Variants in GRID2 observed in about 807,000 individuals in gnomAD.
The protein encoded by GRID2 is glutamate receptor ionotropic, delta-2.
Under a neutral mutation model 114.8 loss-of-function variants are expected in GRID2, and 33 were observed. The observed-to-expected ratio is 0.29, with a 90% confidence interval of 0.22 to 0.38. The LOEUF (loss-of-function observed/expected upper bound fraction) is 0.38. GRID2 is among the 10% of genes least tolerant of loss of function. GRID2 has a pLI of 1.00. For missense variants in GRID2, 1,184 were observed against 1,257.7 expected (o/e 0.94, Z 0.89); for synonymous variants, 505 against 449.9 (o/e 1.12, Z -1.55).
At chr4:93,288,957 T>C (rs1204987550) in intron 8 of GRID2, among the ~76,000 whole-genome samples, 3 of 152,238 alleles carry the variant, frequency 2.0e-5, no homozygotes, top group Non-Finnish European at 4.4e-5. Context: ...AATTTTTTCC[T>C]GCAATTTTCT....
At chr4:93,555,131 C>T (rs563087265) in intron 13 of GRID2, among the ~76,000 whole-genome samples, 33 of 152,284 alleles carry the variant, frequency 2.2e-4, no homozygotes, top group African/African-American at 7.0e-4. Flanking sequence ...GAGATTCCCT[C>T]GGGTGCCTAC....
chr4:93,578,885 A>G (rs769786668), intron 13 of GRID2, among the ~76,000 whole-genome samples: 3 of 151,808 alleles, frequency 2.0e-5, no homozygotes, highest in Non-Finnish European at 4.4e-5. Flanking sequence ...GAGCCACCGC[A>G]CCCGGCTGCC....
chr4:92,935,573 A>AAC (rs1183070559), intron 2 of GRID2, among the ~76,000 whole-genome samples: 4 of 146,254 alleles, frequency 2.7e-5, no homozygotes, highest in Non-Finnish European at 4.5e-5. Flanking sequence ...CTGCTATAAA[A>AAC]ACACACACAC....
At chr4:92,703,371 T>C (rs1734776964) in intron 2 of GRID2, among the ~76,000 whole-genome samples, 1 of 152,022 alleles carries the variant, frequency 6.6e-6, no homozygotes. Flanking sequence ...ATAGTTATTA[T>C]TTAAAAATAC....
chr4:92,798,336 T>A (rs571189807), intron 2 of GRID2, among the ~76,000 whole-genome samples: 2 of 152,034 alleles, frequency 1.3e-5, no homozygotes, highest in East Asian at 1.9e-4. Context: ...AATAAGCTTA[T>A]ATCAAGAATA....
intron 9 of GRID2, among the ~76,000 whole-genome samples, chr4:93,398,941 C>T (rs1765619760): frequency 1.3e-5 from 2 of 151,894 alleles, no homozygotes; most frequent in South Asian, 4.2e-4. Flanking sequence ...TTATTTTCTA[C>T]AAGTGCCTTT....
intron 15 of GRID2, among the ~76,000 whole-genome samples, chr4:93,770,212 G>A (rs1367961445): frequency 1.3e-5 from 2 of 152,038 alleles, no homozygotes; most frequent in African/African-American, 4.8e-5. Flanking sequence ...GGACTAAAGG[G>A]GTGAAAATGT....
At chr4:92,446,707 T>G (rs1016013308) in intron 1 of GRID2, among the ~76,000 whole-genome samples, 1 of 152,236 alleles carries the variant, frequency 6.6e-6, no homozygotes, top group African/African-American at 2.4e-5. Flanking sequence ...TTTACTTGAC[T>G]CATGGAGAAC....
chr4:92,674,466 T>G (rs1335857480), intron 2 of GRID2, among the ~76,000 whole-genome samples: 1 of 152,198 alleles, frequency 6.6e-6, no homozygotes, highest in Non-Finnish European at 1.5e-5. Context: ...TTTCAACTTA[T>G]ATGGTTTTTA....
intron 8 of GRID2, among the ~76,000 whole-genome samples, chr4:93,338,262 C>A (rs1472941350): frequency 1.3e-5 from 2 of 152,016 alleles, no homozygotes; most frequent in Non-Finnish European, 2.9e-5. Flanking sequence ...ATGGAATCAC[C>A]GTTATTGACA....
chr4:93,046,606 A>G (rs1481316800), intron 2 of GRID2, among the ~76,000 whole-genome samples: 4 of 152,028 alleles, frequency 2.6e-5, no homozygotes, highest in African/African-American at 9.7e-5. Flanking sequence ...TAATCAGAGT[A>G]GTTTTCAGTC....
At chr4:93,723,670 A>G (rs752919550) in intron 14 of GRID2, among the ~76,000 whole-genome samples, 1 of 152,238 alleles carries the variant, frequency 6.6e-6, no homozygotes, top group Non-Finnish European at 1.5e-5. Context: ...GATACCATCA[A>G]TATGTATAAT....
At chr4:92,329,214 T>TA (rs1412179039) in intron 1 of GRID2, among the ~76,000 whole-genome samples, 1 of 152,082 alleles carries the variant, frequency 6.6e-6, no homozygotes, top group East Asian at 1.9e-4. Flanking sequence ...CCAAAATTCT[T>TA]AAACTTTTTT....
At chr4:92,915,123 A>G (rs891119612) in intron 2 of GRID2, among the ~76,000 whole-genome samples, 8 of 152,106 alleles carry the variant, frequency 5.3e-5, no homozygotes, top group African/African-American at 1.9e-4. Flanking sequence ...CGAAGGGGGA[A>G]GAGTCCCTTA....
chr4:93,368,774 A>G (rs1409579989), intron 8 of GRID2, among the ~76,000 whole-genome samples: 1 of 152,216 alleles, frequency 6.6e-6, no homozygotes, highest in African/African-American at 2.4e-5. Context: ...ATAAAATGGG[A>G]TTAGTCTTAC....
At chr4:93,417,829 C>T (rs892326186) in intron 9 of GRID2, among the ~76,000 whole-genome samples, 1 of 151,558 alleles carries the variant, frequency 6.6e-6, no homozygotes, top group Non-Finnish European at 1.5e-5. Flanking sequence ...CATCAATGTA[C>T]CACAATATAT....
At chr4:92,946,056 T>A (rs1316786552) in intron 2 of GRID2, among the ~76,000 whole-genome samples, 1 of 152,126 alleles carries the variant, frequency 6.6e-6, no homozygotes, top group Non-Finnish European at 1.5e-5. Flanking sequence ...AAAACTGCCT[T>A]TAATCTCACC....
chr4:93,628,801 T>C (rs111738596), intron 14 of GRID2, among the ~76,000 whole-genome samples: 17,818 of 150,896 alleles, frequency 0.12, 1,108 homozygotes, highest in Middle Eastern at 0.14. Flanking sequence ...GTTTCGCTCT[T>C]GTCACCCAGG....
At chr4:93,116,707 G>A (rs1044074192) in intron 4 of GRID2, among the ~76,000 whole-genome samples, 19 of 151,570 alleles carry the variant, frequency 1.3e-4, no homozygotes, top group African/African-American at 4.4e-4. Flanking sequence ...CTTAGTTTCC[G>A]GCCTTGCTGG....
Sources: allele counts gnomAD v4.1 joint callset (sites outside exome capture counted in the v4.1 genomes callset), GRCh38; gene constraint gnomAD v4.1.1; transcripts MANE v1.5; gene names NCBI Gene and HGNC (gene_info 2026-07-23, HGNC 2026-07-21).